AGMO: variants seen among roughly 807,000 people sequenced by gnomAD.
AGMO encodes glyceryl-ether monooxygenase.
In AGMO, 75 loss-of-function variants were observed where a neutral mutation model predicts 60.2. The observed-to-expected ratio is 1.25, with a 90% confidence interval of 1.03 to 1.51. The LOEUF is 1.51. AGMO is among the 40% of genes most tolerant of loss of function. The pLI, the probability that AGMO is intolerant of heterozygous loss-of-function variation, is 0.00. For missense variants in AGMO, 763 were observed against 525.5 expected, an observed-to-expected ratio of 1.45 and a Z score of -4.42; for synonymous variants, 261 against 177.1, an observed-to-expected ratio of 1.47 and a Z score of -3.76.
At chr7:15,166,671 G>A in the AGMO span, among the ~76,000 whole-genome samples, 1 of 152,296 alleles carries the variant, frequency 6.6e-6, no homozygotes, top group South Asian at 2.1e-4. Flanking sequence ...CAGTCATCCA[G>A]TAAGAAGCGG....
chr7:15,258,324 T>A (rs1347633457), intron 12 of AGMO, among the ~76,000 whole-genome samples: 2 of 151,982 alleles, frequency 1.3e-5, no homozygotes, highest in Non-Finnish European at 2.9e-5. Context: ...GGGGGTGGTA[T>A]GTTCTTTCCT....
At chr7:15,365,397 A>AAAAAAAAAAAAAAAAAAAAAAG in intron 12 of AGMO, 117 bp downstream of exon 12, 1 of 486,326 alleles carries the variant, frequency 2.1e-6, no homozygotes. Flanking sequence ...AAAAAAAAAG[A>AAAAAAAAAAAAAAAAAAAAAAG]TCAAGATTTC....
chr7:15,529,656 C>CTATATATAGAATATATATAG (rs1784240229), intron 3 of AGMO, among the ~76,000 whole-genome samples: 3 of 27,084 alleles, frequency 1.1e-4, no homozygotes, highest in African/African-American at 6.2e-4. Context: ...ACTATATATT[C>CTATATATAGAATATATATAG]TATATATATT....
At chr7:15,504,662 C>T (rs548562299) in intron 3 of AGMO, among the ~76,000 whole-genome samples, 9 of 151,500 alleles carry the variant, frequency 5.9e-5, no homozygotes, top group South Asian at 4.1e-4. Flanking sequence ...TAAGTGTTTC[C>T]GTAAGTTTTA....
chr7:15,282,794 A>G (rs1784006114), intron 12 of AGMO, among the ~76,000 whole-genome samples: 1 of 152,108 alleles, frequency 6.6e-6, no homozygotes, highest in Non-Finnish European at 1.5e-5. Flanking sequence ...ACTCATTGGG[A>G]TTTCTAAAGT....
chr7:15,305,493 T>C (rs1780586849), intron 12 of AGMO, among the ~76,000 whole-genome samples: 1 of 151,966 alleles, frequency 6.6e-6, no homozygotes, highest in African/African-American at 2.4e-5. Context: ...CAAAATGAGT[T>C]TTTGTGCCAG....
At chr7:15,509,882 G>A (rs1783624542) in intron 3 of AGMO, among the ~76,000 whole-genome samples, 1 of 152,128 alleles carries the variant, frequency 6.6e-6, no homozygotes, top group Non-Finnish European at 1.5e-5. Flanking sequence ...TTGTTAGGAT[G>A]GCCAGTATAT....
chr7:15,371,963 A>G, intron 10 of AGMO, among the ~76,000 whole-genome samples: 1 of 152,068 alleles, frequency 6.6e-6, no homozygotes, highest in East Asian at 1.9e-4. Context: ...GTACCTTAAT[A>G]TTTATCCCTT....
At chr7:15,357,677 C>T (rs893062325) in intron 12 of AGMO, among the ~76,000 whole-genome samples, 1 of 152,170 alleles carries the variant, frequency 6.6e-6, no homozygotes, top group Non-Finnish European at 1.5e-5. Context: ...CTTGGCCTGG[C>T]CCACTAGAGG....
At chr7:15,299,283 A>C (rs10252698) in intron 12 of AGMO, among the ~76,000 whole-genome samples, 1 of 151,950 alleles carries the variant, frequency 6.6e-6, no homozygotes, top group Non-Finnish European at 1.5e-5. Flanking sequence ...AAAGTAAAGT[A>C]CATTGCCCAA....
intron 3 of AGMO, among the ~76,000 whole-genome samples, chr7:15,496,219 G>C (rs1480572450): frequency 3.9e-5 from 6 of 152,146 alleles, no homozygotes; most frequent in Non-Finnish European, 7.4e-5. Flanking sequence ...ACCACAGTGA[G>C]AAAGTGAGAA....
intron 8 of AGMO, among the ~76,000 whole-genome samples, 170 bp from the exon 9 acceptor site, chr7:15,387,710 A>C (rs73302387): frequency 0.014 from 2,162 of 152,304 alleles, 39 homozygotes; most frequent in African/African-American, 0.048. Context: ...AATCTATTCT[A>C]TGCACTGTAT....
chr7:15,526,521 T>G (rs1057008713), intron 3 of AGMO, among the ~76,000 whole-genome samples: 24 of 152,286 alleles, frequency 1.6e-4, no homozygotes, highest in African/African-American at 5.8e-4. Context: ...TGCGTTTGCC[T>G]GTAAGTCTTA....
chr7:15,381,425 A>G (rs1661616969), intron 10 of AGMO, among the ~76,000 whole-genome samples: 1 of 152,074 alleles, frequency 6.6e-6, no homozygotes. Flanking sequence ...TGAAAAAAAA[A>G]AGTTCAACAT....
chr7:15,244,440 C>T (rs950629778), intron 12 of AGMO, among the ~76,000 whole-genome samples: 1 of 152,082 alleles, frequency 6.6e-6, no homozygotes, highest in African/African-American at 2.4e-5. Context: ...ATTAAAAGCA[C>T]TGCAAAACAC....
intron 12 of AGMO, among the ~76,000 whole-genome samples, chr7:15,253,430 A>C (rs771619141): frequency 6.6e-6 from 1 of 152,164 alleles, no homozygotes; most frequent in Non-Finnish European, 1.5e-5. Context: ...TAGAAAGTGG[A>C]TATAAAATAA....
chr7:15,155,090 T>C, the AGMO span, among the ~76,000 whole-genome samples: 2 of 152,150 alleles, frequency 1.3e-5, no homozygotes, highest in African/African-American at 4.8e-5. Flanking sequence ...GATGGTTATA[T>C]TGTATTGCAT....
chr7:15,506,167 G>A (rs1342492789), intron 3 of AGMO, among the ~76,000 whole-genome samples: 2 of 152,096 alleles, frequency 1.3e-5, no homozygotes, highest in Non-Finnish European at 2.9e-5. Flanking sequence ...CTTGAATATT[G>A]CTCAAAACCT....
chr7:15,289,760 TAACTG>T, intron 12 of AGMO, among the ~76,000 whole-genome samples: 1 of 152,122 alleles, frequency 6.6e-6, no homozygotes, highest in Non-Finnish European at 1.5e-5. Flanking sequence ...GTGGCTCAAT[TAACTG>T]ATCTGTTAAA....
Sources: allele counts gnomAD v4.1 joint callset (sites outside exome capture counted in the v4.1 genomes callset), GRCh38; gene constraint gnomAD v4.1.1; transcripts MANE v1.5; gene names NCBI Gene and HGNC (gene_info 2026-07-23, HGNC 2026-07-21).